The following SMCO4 variants were observed in gnomAD, a reference collection of about 807,000 sequenced individuals.
The protein encoded by SMCO4 is single-pass membrane and coiled-coil domain-containing protein 4.
SMCO4 carries 4 observed loss-of-function variants against 3.6 expected under a neutral mutation model. The observed-to-expected ratio is 1.11, with a 90% CI of 0.54 to 2.53. The LOEUF is 2.53. Among genes scored for constraint, SMCO4 ranks in the 30% most tolerant of loss-of-function variants. The pLI, the probability that SMCO4 is intolerant of heterozygous loss-of-function variation, is 0.02. For synonymous variants in SMCO4, 36 were observed against 35.3 expected, an observed-to-expected ratio of 1.02 and a Z score of -0.07; for missense variants, 70 against 80.8, an observed-to-expected ratio of 0.87 and a Z score of 0.51.
chr11:93,501,968 C>T (rs1346118262), intron 1 of SMCO4, among the ~76,000 whole-genome samples: 2 of 151,988 alleles, frequency 1.3e-5, no homozygotes, highest in East Asian at 3.9e-4. Context: ...GAGGCCTGGG[C>T]TGCACAGGAC....
intron 1 of SMCO4, among the ~76,000 whole-genome samples, chr11:93,534,647 G>A (rs1324972403): frequency 6.6e-6 from 1 of 152,138 alleles, no homozygotes; most frequent in African/African-American, 2.4e-5. Flanking sequence ...GCTCAACTCT[G>A]CAGTCCCTTC....
chr11:93,502,718 C>T (rs2134599571), intron 1 of SMCO4, among the ~76,000 whole-genome samples: 1 of 152,242 alleles, frequency 6.6e-6, no homozygotes, highest in East Asian at 1.9e-4. Context: ...CTTAATGCTA[C>T]ACGGCAACAT....
intron 1 of SMCO4, among the ~76,000 whole-genome samples, chr11:93,514,406 ATATATATAT>A (rs1565383053): frequency 6.6e-5 from 2 of 30,254 alleles, no homozygotes; most frequent in African/African-American, 2.2e-4. Context: ...ATATATATAT[ATATATATAT>A]ATATATAAAA....
chr11:93,517,223 G>A lies in SMCO4; in HGVS notation c.-153-17875C>T, dbSNP rs1417198934. Among the ~76,000 whole-genome samples, 9 of 152,284 alleles carry A rather than the reference G, an allele frequency of 5.9e-5. No individual in the cohort carries two copies. The East Asian group carries it at 1.7e-3, about 29-fold the overall frequency. On this transcript the variant is annotated intron_variant, in intron 1 of 2. Coordinates refer to ENST00000298966, the MANE Select transcript of SMCO4 (RefSeq NM_020179.3). ...ACACTGTCTCACAAAACCAGCTCCA[G>A]AATGAGACCACCCAAGCATGAAGCA...
chr11:93,495,358 T>C lies in SMCO4; in HGVS notation c.-81+3918A>G, dbSNP rs568507933. Among the ~76,000 whole-genome samples the C allele has an allele frequency of 8.5e-5, 13 of 152,090 alleles. No individual in the cohort carries two copies. In the East Asian group the frequency reaches 2.3e-3, roughly 27 times the overall value. On this transcript the variant is annotated intron_variant, in intron 2 of 2. Coordinates refer to ENST00000298966, the MANE Select transcript of SMCO4 (RefSeq NM_020179.3). ...AGTTTCAATATTACCATTAATTACC[T>C]TGGGGAAGGCCTGAGAATGGAGAGT... is the stretch of plus-strand genomic sequence containing the variant.
chr11:93,532,376 C>T (rs1006633073), intron 1 of SMCO4, among the ~76,000 whole-genome samples: 4 of 152,354 alleles, frequency 2.6e-5, no homozygotes, highest in African/African-American at 7.2e-5. Context: ...GAAAGACTTG[C>T]ACCAGCACAT....
intron 1 of SMCO4, among the ~76,000 whole-genome samples, chr11:93,518,237 C>T (rs1202035818): frequency 3.3e-5 from 5 of 152,210 alleles, no homozygotes; most frequent in Non-Finnish European, 7.3e-5. Flanking sequence ...TTACAAATAA[C>T]ATGTTCTTGC....
In SMCO4 at chr11:93,478,999, G is replaced by C. The variant is rs535015101; in HGVS notation, c.*11C>G. The C allele has an allele frequency of 8.8e-6, 14 of 1,595,778 alleles. No homozygotes were observed. The highest frequency in any genetic ancestry group is 1.2e-5 in the Non-Finnish European group (14 of 1,169,742). ...CTCCCTGCCGATGGGGTCCGCAGCC[G>C]GCTGCGGGGCTCACTCGGTGATGGT... is the stretch of plus-strand genomic sequence containing the variant. On this transcript the variant is annotated 3_prime_UTR_variant, in exon 3 of 3. Coordinates refer to ENST00000298966, the MANE Select transcript of SMCO4 (RefSeq NM_020179.3).
At chr11:93,508,500 A>C (rs1948928822) in intron 1 of SMCO4, among the ~76,000 whole-genome samples, 1 of 152,222 alleles carries the variant, frequency 6.6e-6, no homozygotes, top group Admixed American at 6.5e-5. Flanking sequence ...AAGAATATTA[A>C]AATGTAATGA....
chr11:93,545,249 CAT>C (rs1949306442), upstream of SMCO4, among the ~76,000 whole-genome samples: 1 of 152,198 alleles, frequency 6.6e-6, no homozygotes, highest in African/African-American at 2.4e-5. Context: ...GGTGACTCCA[CAT>C]GCTCCCTTAT....
Position 93,492,052 on chromosome 11 carries a change from G to A in SMCO4, c.-81+7224C>T, listed in dbSNP as rs559674350. Among the ~76,000 whole-genome samples, 7 of 152,308 alleles carry A rather than the reference G, an allele frequency of 4.6e-5. No individual in the cohort carries two copies. The South Asian group carries it at 8.3e-4, about 18-fold the overall frequency. Reference sequence around the variant, plus strand: ...TGGCAGACAAACGGAAAGAATGAGGGACTAACTGAATTTATCAAACAGAAA... The same window carrying A: ...TGGCAGACAAACGGAAAGAATGAGGAACTAACTGAATTTATCAAACAGAAA... On this transcript the variant is annotated intron_variant, in intron 2 of 2. Coordinates refer to ENST00000298966, the MANE Select transcript of SMCO4 (RefSeq NM_020179.3).
rs998346292 is a variant in SMCO4 at position 93,536,115 on chromosome 11, G to GA, written c.-154+7160dup. 3.8e-3 allele frequency among the ~76,000 whole-genome samples: 559 copies of GA among 146,504 alleles called. 10 individuals are homozygous for GA. The highest frequency in any genetic ancestry group is 0.034 in the Admixed American group (503 of 14,790). ...ATCATTAAACATGTCTGTTTATCAA[G>GA]AAAAAAAAAAGAAGCCAAATGATGA... On this transcript the variant is annotated intron_variant, in intron 1 of 2. Transcript: ENST00000298966.
chr11:93,524,471 T>C (rs1200896628), intron 1 of SMCO4, among the ~76,000 whole-genome samples: 1 of 151,952 alleles, frequency 6.6e-6, no homozygotes, highest in Admixed American at 6.6e-5. Context: ...TACCTAAGAG[T>C]GACTTCCCTT....
At chr11:93,533,568 A>C (rs536093872) in intron 1 of SMCO4, among the ~76,000 whole-genome samples, 15 of 152,218 alleles carry the variant, frequency 9.9e-5, no homozygotes, top group African/African-American at 3.6e-4. Context: ...AGCCACCTCG[A>C]AATAAAGGGT....
chr11:93,491,855 G>A (rs968489758), intron 2 of SMCO4, among the ~76,000 whole-genome samples: 8 of 152,194 alleles, frequency 5.3e-5, no homozygotes, highest in African/African-American at 1.7e-4. Flanking sequence ...ATGGCCAGGT[G>A]TGGGCTAACA....
chr11:93,540,960 A>G (rs930347495), intron 1 of SMCO4, among the ~76,000 whole-genome samples: 4 of 152,372 alleles, frequency 2.6e-5, no homozygotes, highest in Admixed American at 2.6e-4. Context: ...TCAAACTCAG[A>G]GAGAACCACT....
chr11:93,512,002 G>A (rs545114386), intron 1 of SMCO4, among the ~76,000 whole-genome samples: 1 of 152,252 alleles, frequency 6.6e-6, no homozygotes, highest in South Asian at 2.1e-4. Flanking sequence ...AGGTATAGCT[G>A]CCATTTACTT....
intron 2 of SMCO4, among the ~76,000 whole-genome samples, chr11:93,497,409 T>G (rs1236837724): frequency 6.6e-6 from 1 of 152,266 alleles, no homozygotes; most frequent in Admixed American, 6.5e-5. Flanking sequence ...GTAAGCTAAT[T>G]AAATTTCTTG....
chr11:93,519,224 G>C (rs1418129694), intron 1 of SMCO4, among the ~76,000 whole-genome samples: 2 of 152,288 alleles, frequency 1.3e-5, no homozygotes, highest in Admixed American at 6.5e-5. Context: ...ACAGTGGCAA[G>C]ATGGGAATGC....
Sources: allele counts gnomAD v4.1 joint callset (sites outside exome capture counted in the v4.1 genomes callset), GRCh38; gene constraint gnomAD v4.1.1; transcripts MANE v1.5; gene names NCBI Gene and HGNC (gene_info 2026-07-23, HGNC 2026-07-21).